The following GALNT10 variants were observed in gnomAD, a reference collection of about 807,000 sequenced individuals.
GALNT10 encodes the protein GalNAc transferase 10.
Under a neutral mutation model 75.0 loss-of-function variants are expected in GALNT10, and 41 were observed. The ratio of observed to expected loss-of-function variants is 0.55; its 90% CI spans 0.43 to 0.71. The LOEUF (loss-of-function observed/expected upper bound fraction) is 0.71, where lower values mean the gene tolerates loss of function less well. Ranked by LOEUF, GALNT10 falls within the 30% of genes least tolerant of loss-of-function variation. The pLI is 0.00. For missense variants in GALNT10, 727 were observed against 818.5 expected, an observed-to-expected ratio of 0.89 and a Z score of 1.36; for synonymous variants, 302 against 313.0, an observed-to-expected ratio of 0.96 and a Z score of 0.37.
At chr5:154,338,132 C>A (rs1754971731) in intron 4 of GALNT10, 2 of 935,454 alleles carry the variant, frequency 2.1e-6, no homozygotes, top group Non-Finnish European at 1.7e-6. Flanking sequence ...TGAGTGGGCA[C>A]CTGGTCTTTG....
At chr5:154,310,043 C>CGA (rs1754489916) in intron 3 of GALNT10, among the ~76,000 whole-genome samples, 2 of 152,118 alleles carry the variant, frequency 1.3e-5, no homozygotes. Context: ...CAGGTTATGG[C>CGA]GAGAGCGGTA....
intron 1 of GALNT10, among the ~76,000 whole-genome samples, chr5:154,194,629 G>A (rs1272301862): frequency 6.6e-6 from 1 of 152,166 alleles, no homozygotes. Context: ...GTGTCCTCAG[G>A]AAAGAGGTTT....
intron 1 of GALNT10, among the ~76,000 whole-genome samples, chr5:154,234,755 G>A (rs1753219184): frequency 6.6e-6 from 1 of 152,218 alleles, no homozygotes; most frequent in Non-Finnish European, 1.5e-5. Flanking sequence ...CAGGGCCTGT[G>A]CTTCTTATCT....
intron 5 of GALNT10, among the ~76,000 whole-genome samples, chr5:154,378,597 T>C (rs939751212): frequency 1.3e-5 from 2 of 152,146 alleles, no homozygotes; most frequent in Admixed American, 1.3e-4. Context: ...GGCTCCATCA[T>C]CCCACTTGGA....
intron 7 of GALNT10, among the ~76,000 whole-genome samples, chr5:154,397,898 T>C (rs1457470573): frequency 6.6e-6 from 1 of 152,228 alleles, no homozygotes; most frequent in Non-Finnish European, 1.5e-5. Flanking sequence ...TGCGCCCTTC[T>C]TTCTGGGTCC....
chr5:154,258,186 T>C (rs1753644832), intron 1 of GALNT10, among the ~76,000 whole-genome samples: 1 of 152,146 alleles, frequency 6.6e-6, no homozygotes, highest in East Asian at 1.9e-4. Flanking sequence ...CACCTTTCCC[T>C]CCTCTCCCAT....
intron 1 of GALNT10, among the ~76,000 whole-genome samples, chr5:154,200,933 A>G (rs4958708): frequency 0.021 from 3,241 of 152,184 alleles, 71 homozygotes; most frequent in Admixed American, 0.054. Flanking sequence ...TAACCATGAG[A>G]ATATTTCCTA....
At chr5:154,406,616 G>GC (rs1301839951) in intron 8 of GALNT10, among the ~76,000 whole-genome samples, 2 of 152,158 alleles carry the variant, frequency 1.3e-5, no homozygotes, top group Non-Finnish European at 2.9e-5. Context: ...GGTCAACATG[G>GC]CAAAACCCCA....
chr5:154,313,531 A>C (rs1405673110), intron 3 of GALNT10, among the ~76,000 whole-genome samples: 2 of 152,192 alleles, frequency 1.3e-5, no homozygotes, highest in African/African-American at 4.8e-5. Flanking sequence ...TAATAAGAAT[A>C]AACCTCTGTG....
chr5:154,308,706 C>T (rs901327382), intron 3 of GALNT10, among the ~76,000 whole-genome samples: 2 of 152,194 alleles, frequency 1.3e-5, no homozygotes, highest in Non-Finnish European at 2.9e-5. Context: ...ACCCTTCCAC[C>T]TCCAGTCTGC....
intron 4 of GALNT10, among the ~76,000 whole-genome samples, chr5:154,330,910 T>G (rs113794900): frequency 3.5e-4 from 25 of 71,056 alleles, no homozygotes; most frequent in South Asian, 9.0e-4. Context: ...ACAGAGAGGG[T>G]GTGTGTGTGT....
intron 1 of GALNT10, among the ~76,000 whole-genome samples, chr5:154,281,519 A>C (rs1456160396): frequency 6.6e-6 from 1 of 152,146 alleles, no homozygotes; most frequent in Admixed American, 6.5e-5. Context: ...TCTACCATCA[A>C]ATAATGGAGA....
At position 154,402,167 on chromosome 5, in the gene GALNT10, CTCCTTGT is replaced by C. The variant is rs1180048769; in HGVS notation, c.1057-1934_1057-1928del. ...CCTCACTGAAGACCTTCTGTGAAGA[CTCCTTGT>C]TCTGCCCCGTGAGGGCCCTGCGGGA... On this transcript the variant is annotated intron_variant, in intron 7 of 11. Coordinates refer to ENST00000297107, the MANE Select transcript of GALNT10 (RefSeq NM_198321.4). The surrounding 1 kb of genome is among the most constrained non-coding windows in gnomAD (Gnocchi z 4.2). Among the ~76,000 whole-genome samples, 1 of 152,214 alleles carries C rather than the reference CTCCTTGT, an allele frequency of 6.6e-6. No individual in the cohort carries two copies. Among genetic ancestry groups the C allele is most frequent in the Non-Finnish European group, 1.5e-5 (1 of 68,040 alleles).
rs1255848104 is a variant in GALNT10 at position 154,264,031 on chromosome 5, G to C, written c.160-30785G>C. On this transcript the variant is annotated intron_variant, in intron 1 of 11. Transcript: ENST00000297107. ...GTGATTTATATGTCACTTTTAAAAA[G>C]GCTGGGTGTGATGGCTTATACCTGT... Among the ~76,000 whole-genome samples, 3 of 152,280 alleles carry C rather than the reference G, an allele frequency of 2.0e-5. No individual in the cohort carries two copies. In the East Asian group the frequency reaches 5.8e-4, roughly 29 times the overall value.
rs958907658 is a variant in GALNT10, at chr5:154,352,750, T to C, written c.568+23012T>C. ...GTTCATGCAGAGGCCCATTTAGTAG[T>C]GTGTGATGCTACAGAGCCCTTTAAA... On this transcript the variant is annotated intron_variant, in intron 4 of 11. Transcript: ENST00000297107. This position sits in a 1 kb window ranked among gnomAD's most constrained non-coding sequence, Gnocchi z 4.4. Among the ~76,000 whole-genome samples, 6 of 152,182 alleles carry C rather than the reference T, an allele frequency of 3.9e-5. No homozygotes were observed. Among genetic ancestry groups the C allele is most frequent in the African/African-American group, 1.2e-4 (5 of 41,436 alleles).
At chr5:154,249,545 A>G (rs540505447) in intron 1 of GALNT10, among the ~76,000 whole-genome samples, 1 of 152,104 alleles carries the variant, frequency 6.6e-6, no homozygotes, top group South Asian at 2.1e-4. Flanking sequence ...CACCAGTAAG[A>G]CCAAGGCCAA....
intron 7 of GALNT10, among the ~76,000 whole-genome samples, chr5:154,397,272 C>T (rs1756039813): frequency 6.6e-6 from 1 of 150,616 alleles, no homozygotes; most frequent in African/African-American, 2.4e-5. Flanking sequence ...GGTGGTGATA[C>T]TTCTTGAAAC....
chr5:154,253,404 A>C (rs1245107093), intron 1 of GALNT10, among the ~76,000 whole-genome samples: 2 of 65,608 alleles, frequency 3.0e-5, no homozygotes, highest in Admixed American at 2.2e-4. Flanking sequence ...GGGTGGGGGG[A>C]GGGGGAAGGG....
intron 4 of GALNT10, among the ~76,000 whole-genome samples, chr5:154,374,631 C>T (rs978554585): frequency 2.0e-5 from 3 of 152,234 alleles, no homozygotes; most frequent in African/African-American, 7.2e-5. Context: ...ATTATAGGCA[C>T]AGTGCCTGGC....
Sources: allele counts gnomAD v4.1 joint callset (sites outside exome capture counted in the v4.1 genomes callset), GRCh38; gene constraint gnomAD v4.1.1; non-coding constraint Gnocchi (gnomAD v3.1); transcripts MANE v1.5; gene names NCBI Gene and HGNC (gene_info 2026-07-23, HGNC 2026-07-21).